SMARCA4: variants seen among roughly 807,000 people sequenced by gnomAD.
SMARCA4 encodes the protein SWI/SNF related BAF chromatin remodeling complex subunit ATPase 4.
A neutral mutation model predicts 193.9 loss-of-function variants in SMARCA4; 31 were observed. That is an observed-to-expected ratio of 0.16 (90% CI 0.12 to 0.22). The LOEUF (loss-of-function observed/expected upper bound fraction) is 0.22, where lower values mean the gene tolerates loss of function less well. Ranked by LOEUF, SMARCA4 falls within the 10% of genes least tolerant of loss-of-function variation. The pLI is 1.00. For missense variants in SMARCA4, 1,148 were observed against 2,296.0 expected (o/e 0.50, Z 10.22); for synonymous variants, 942 against 933.1 (o/e 1.01, Z -0.17).
chr19:11,051,455 G>A (rs1363537113), intron 30 of SMARCA4, among the ~76,000 whole-genome samples: 2 of 151,402 alleles, frequency 1.3e-5, no homozygotes, highest in African/African-American at 2.4e-5. Context: ...AGCCTGTGCC[G>A]CAGTCGTCCG....
At position 10,989,307 on chromosome 19, in the gene SMARCA4, C is replaced by T. The variant is rs759026373; in HGVS notation, c.1119-10C>T. 21 of 1,613,812 alleles carry T rather than the reference C, an allele frequency of 1.3e-5. No individual in the cohort carries two copies. Among genetic ancestry groups the T allele is most frequent in the Non-Finnish European group, 1.8e-5 (21 of 1,179,898 alleles). The stretch of plus-strand genomic sequence containing the variant: ...CTCTCACCGCCTTTGCTCCTTGTCT[C>T]TGCTCCCAGGCTGCAGGCTCGCATC... On this transcript the variant is annotated splice_polypyrimidine_tract_variant and intron_variant, in intron 6 of 34. Transcript: ENST00000344626.
At chr19:10,994,416 C>T (rs912869393) in intron 8 of SMARCA4, among the ~76,000 whole-genome samples, 7 of 150,846 alleles carry the variant, frequency 4.6e-5, no homozygotes, top group Non-Finnish European at 7.4e-5. Context: ...CTCCGCCTCC[C>T]GGGTTCACGC....
chr19:11,057,512 C>G (rs1210312510), intron 30 of SMARCA4, among the ~76,000 whole-genome samples: 1 of 152,130 alleles, frequency 6.6e-6, no homozygotes, highest in Admixed American at 6.5e-5. Flanking sequence ...AGGCAGATCA[C>G]GAGGTCAAGA....
At chr19:11,055,943 G>A (rs543666831) in intron 30 of SMARCA4, among the ~76,000 whole-genome samples, 1 of 151,974 alleles carries the variant, frequency 6.6e-6, no homozygotes, top group East Asian at 1.9e-4. Flanking sequence ...TCATAGAAGA[G>A]ACTATCGCAT....
At chr19:11,053,167 G>A (rs1382946672) in intron 30 of SMARCA4, among the ~76,000 whole-genome samples, 2 of 151,886 alleles carry the variant, frequency 1.3e-5, no homozygotes, top group South Asian at 2.1e-4. Context: ...TTGGGAGGCC[G>A]AGGCGGGCGG....
intron 30 of SMARCA4, among the ~76,000 whole-genome samples, chr19:11,056,645 C>T (rs915795660): frequency 3.0e-4 from 46 of 152,116 alleles, no homozygotes; most frequent in Non-Finnish European, 4.9e-4. Flanking sequence ...GGGATGATGG[C>T]GGTTGTCAAG....
chr19:11,014,084 G>C (rs1384219254), intron 16 of SMARCA4, among the ~76,000 whole-genome samples: 1 of 152,176 alleles, frequency 6.6e-6, no homozygotes, highest in Admixed American at 6.5e-5. Flanking sequence ...AGTCTGGTCT[G>C]ATTGGGCAAA....
chr19:10,964,939 A>G (rs1409999428), intron 1 of SMARCA4, among the ~76,000 whole-genome samples: 2 of 152,196 alleles, frequency 1.3e-5, no homozygotes, highest in South Asian at 4.1e-4. Flanking sequence ...GGAACTTTCT[A>G]TCAGTAAGGA....
Position 11,059,003 on chromosome 19 carries a change from G to A in SMARCA4, c.4635+114G>A, listed in dbSNP as rs2076704665. ...GTTAAAAACAAGTCCCGCTAGCTGT[G>A]GTGGTTCGTGCCTGTAATCCCAGCA... On this transcript the variant is annotated intron_variant, in intron 32 of 34. Transcript: ENST00000344626. The A allele has an allele frequency of 4.8e-6, 4 of 832,034 alleles. No individual in the cohort carries two copies. The East Asian group carries it at 1.1e-4, about 22-fold the overall frequency. 51.5% of individuals were successfully genotyped at this position (832,034 alleles called of 1,614,324 possible). A position where few individuals can be genotyped will look rare whatever the true frequency, so the allele number is the denominator to read the frequency against.
chr19:10,985,495 T>G lies in SMARCA4; in HGVS notation c.355+90T>G. 6.8e-7 allele frequency: 1 copy of G among 1,473,742 alleles called. No homozygotes were observed. The highest frequency in any genetic ancestry group is 1.2e-5 in the South Asian group (1 of 83,286). 91.3% of individuals were successfully genotyped at this position (1,473,742 alleles called of 1,614,324 possible). On this transcript the variant is annotated intron_variant, in intron 3 of 34. Coordinates refer to ENST00000344626, the MANE Select transcript of SMARCA4 (RefSeq NM_003072.5). This position sits in a 1 kb window ranked among gnomAD's most constrained non-coding sequence, Gnocchi z 4.5. ...TCCCCTGGGTTCCCACAGGATGGAT[T>G]CAGGGAGTACCTAGGATGATGTAGC...
intron 9 of SMARCA4, 177 bp downstream of exon 9, chr19:10,995,178 ATC>A (rs2086911752): frequency 2.9e-6 from 2 of 699,252 alleles, no homozygotes; most frequent in East Asian, 2.7e-5. Context: ...ATATTTGCTG[ATC>A]TCTCTGATCA....
intron 30 of SMARCA4, chr19:11,056,419 C>T (rs2076550496): frequency 6.6e-6 from 1 of 152,250 alleles, no homozygotes; most frequent in South Asian, 2.1e-4. Context: ...GGTCCCACAC[C>T]CAGGACCAAA....
intron 1 of SMARCA4, among the ~76,000 whole-genome samples, chr19:10,980,284 C>T (rs893298552): frequency 6.6e-6 from 1 of 152,148 alleles, no homozygotes; most frequent in Non-Finnish European, 1.5e-5. Context: ...TTCTAACAAG[C>T]CTCTGTGAAA....
rs1463234412 is a variant in SMARCA4 at position 11,012,975 on chromosome 19, C to T, written c.2301C>T (p.Ser767=). ...TCAAAGGTTTGGAGTGGCTGGTGTC[C>T]CTGTACAACAACAACCTGAACGGCA... The part of the protein sequence containing the change: ...YQIKGLEWLV[S]LYNNNLNGIL... Residue 767 remains serine (S), a synonymous_variant, in exon 16 of 35, where the codon TCC becomes TCT. Transcript: ENST00000344626. 6.2e-7 allele frequency: 1 copy of T among 1,614,140 alleles called. No homozygotes were observed. Among genetic ancestry groups the T allele is most frequent in the Non-Finnish European group, 8.5e-7 (1 of 1,180,028 alleles).
rs559793145 is a variant in SMARCA4, at chr19:11,021,336, C to T, written c.2617-389C>T. The T allele has an allele frequency of 5.9e-4, 216 of 363,326 alleles. 4 individuals carry two copies. The highest frequency in any genetic ancestry group is 4.4e-3 in the South Asian group (210 of 47,826). The allele number at this position is 363,326 out of a possible 1,614,324, so 22.5% of individuals were successfully genotyped here. On this transcript the variant is annotated intron_variant, in intron 18 of 34. Coordinates refer to ENST00000344626, the MANE Select transcript of SMARCA4 (RefSeq NM_003072.5). ...GAAATGTACCGTCACCAACCCAGTT[C>T]CCCTGAGACCCTCCACACCAGCAGG...
intron 30 of SMARCA4, among the ~76,000 whole-genome samples, chr19:11,048,882 G>A (rs2076098368): frequency 6.6e-6 from 1 of 152,180 alleles, no homozygotes; most frequent in South Asian, 2.1e-4. Context: ...CTGTTCTTCT[G>A]CACTCAGATT....
intron 13 of SMARCA4, among the ~76,000 whole-genome samples, chr19:11,007,366 G>T (rs1171559470): frequency 6.7e-6 from 1 of 150,216 alleles, no homozygotes; most frequent in Non-Finnish European, 1.5e-5. Flanking sequence ...GGAGCTGGAG[G>T]TTGCACTGCG....
At chr19:10,995,854 TAGAA>T (rs2086985473) in intron 9 of SMARCA4, 7 of 383,462 alleles carry the variant, frequency 1.8e-5, no homozygotes, top group South Asian at 1.4e-4. Flanking sequence ...GATGTATTCT[TAGAA>T]AGGTGGGGGG....
chr19:11,061,204 A>AAAAAAT (rs1555797070), intron 34 of SMARCA4, among the ~76,000 whole-genome samples: 4 of 45,220 alleles, frequency 8.8e-5, no homozygotes, highest in African/African-American at 4.5e-4. Flanking sequence ...AAAAAAAAAA[A>AAAAAAT]ATATATATAT....
Sources: allele counts gnomAD v4.1 joint callset (sites outside exome capture counted in the v4.1 genomes callset), GRCh38; gene constraint gnomAD v4.1.1; non-coding constraint Gnocchi (gnomAD v3.1); transcripts MANE v1.5; gene names NCBI Gene and HGNC (gene_info 2026-07-23, HGNC 2026-07-21).